The following MAU2 variants were observed in gnomAD, a reference collection of about 807,000 sequenced individuals.
MAU2 encodes the protein MAU2 chromatid cohesion factor homolog.
A neutral mutation model predicts 89.1 loss-of-function variants in MAU2; 9 were observed. The observed-to-expected ratio is 0.10, with a 90% CI of 0.06 to 0.18. The LOEUF is 0.18. Ranked by LOEUF, MAU2 falls within the 10% of genes least tolerant of loss-of-function variation. The pLI is 1.00. For synonymous variants in MAU2, 357 were observed against 343.4 expected, an observed-to-expected ratio of 1.04 and a Z score of -0.44; for missense variants, 425 against 803.5, an observed-to-expected ratio of 0.53 and a Z score of 5.69.
intron 1 of MAU2, chr19:19,334,501 GC>G: frequency 1.0e-6 from 1 of 985,934 alleles, no homozygotes; most frequent in Non-Finnish European, 1.2e-6. Context: ...CCCCAAGGCT[GC>G]CCCCAGCCGT....
intron 7 of MAU2, 46 bp downstream of exon 7, chr19:19,341,453 A>G: frequency 6.2e-7 from 1 of 1,606,682 alleles, no homozygotes; most frequent in African/African-American, 1.3e-5. Flanking sequence ...ACCAGTGGGT[A>G]TGGGTGGTAC....
At chr19:19,355,188 C>T in intron 17 of MAU2, 76 bp from the exon 18 acceptor site, 25 of 1,578,730 alleles carry the variant, frequency 1.6e-5, no homozygotes, top group Non-Finnish European at 2.0e-5. Flanking sequence ...GACCTTAGGG[C>T]TCCATCTGCA....
chr19:19,352,855 C>G (rs1235132087), intron 16 of MAU2: 4 of 152,292 alleles, frequency 2.6e-5, no homozygotes, highest in African/African-American at 9.7e-5. Context: ...CAAGAACTCT[C>G]AGACCAAGGT....
chr19:19,327,274 A>C (rs1424285676), intron 1 of MAU2, among the ~76,000 whole-genome samples: 1 of 151,146 alleles, frequency 6.6e-6, no homozygotes, highest in African/African-American at 2.4e-5. Context: ...GGTGCCTGCC[A>C]CCATGCCAGG....
rs748764235 is a variant in MAU2, at chr19:19,338,913, C to T, written c.525C>T (p.Ala175=). The T allele has an allele frequency of 3.1e-6, 5 of 1,613,604 alleles. No individual in the cohort carries two copies. The highest frequency in any genetic ancestry group is 4.2e-6 in the Non-Finnish European group (5 of 1,179,908). ...CDLLGVGAEY[A]RVVGSEYTRA... ...TCCTGGGTGTAGGGGCCGAGTACGC[C>T]CGGGTGGTGGGATCTGAATACACAC... is the stretch of plus-strand genomic sequence containing the variant. The change falls in exon 5 of 19, where the codon GCC becomes GCT. Residue 175 remains alanine (A), a synonymous_variant. Coordinates refer to ENST00000262815, the MANE Select transcript of MAU2 (RefSeq NM_015329.4).
chr19:19,333,559 C>A (rs1283980071), intron 1 of MAU2, among the ~76,000 whole-genome samples: 2 of 152,028 alleles, frequency 1.3e-5, no homozygotes, highest in African/African-American at 4.8e-5. Context: ...TGGCATAGGC[C>A]AAAGCTTTGT....
intron 1 of MAU2, among the ~76,000 whole-genome samples, chr19:19,327,065 C>T (rs1354429534): frequency 6.6e-6 from 1 of 150,826 alleles, no homozygotes; most frequent in African/African-American, 2.4e-5. Flanking sequence ...CCTGCCTTGG[C>T]CTCTCAAAGT....
At chr19:19,354,302 T>A in intron 16 of MAU2, 53 bp from the exon 17 acceptor site, 2 of 1,459,876 alleles carry the variant, frequency 1.4e-6, no homozygotes, top group Non-Finnish European at 1.9e-6. Flanking sequence ...TGGGCTGGGT[T>A]CGGCAAGTGG....
intron 1 of MAU2, among the ~76,000 whole-genome samples, chr19:19,328,414 C>T (rs990353879): frequency 4.0e-5 from 6 of 151,536 alleles, no homozygotes; most frequent in Admixed American, 3.3e-4. Flanking sequence ...ATATCCGTTT[C>T]CCCCTTAACT....
At position 19,338,946 on chromosome 19, in the gene MAU2, A is replaced by C; in HGVS notation, c.551+7A>C. The C allele has an allele frequency of 6.2e-7, 1 of 1,607,984 alleles. No homozygotes were observed. Among genetic ancestry groups the C allele is most frequent in the Non-Finnish European group, 8.5e-7 (1 of 1,177,236 alleles). On this transcript the variant is annotated splice_region_variant and intron_variant, in intron 5 of 18. Coordinates refer to ENST00000262815, the MANE Select transcript of MAU2 (RefSeq NM_015329.4). Reference sequence around the variant, plus strand: ...TGGGATCTGAATACACACGGTAGGCACCCACTCCCCTCCTTCCCTCCTGCT... The same window carrying C: ...TGGGATCTGAATACACACGGTAGGCCCCCACTCCCCTCCTTCCCTCCTGCT...
rs745963635 is a variant in MAU2 at position 19,348,955 on chromosome 19, ACCACT to A, written c.1358+22_1358+26del. On this transcript the variant is annotated intron_variant, in intron 14 of 18. Transcript: ENST00000262815. The stretch of plus-strand genomic sequence containing the variant: ...CCCTGTCAGGTGAGCCGCTCCAGGC[ACCACT>A]CCACGCACGGCCTAGGCTCCCCGTG... 1.1e-5 allele frequency: 17 copies of A among 1,612,426 alleles called. No homozygotes were observed. The South Asian group carries it at 1.5e-4, about 15-fold the overall frequency.
At chr19:19,334,461 G>A in intron 1 of MAU2, 1 of 985,720 alleles carries the variant, frequency 1.0e-6, no homozygotes, top group Non-Finnish European at 1.2e-6. Flanking sequence ...ATTCCCAGCT[G>A]CTGCTCACCC....
At chr19:19,327,140 T>C (rs570864940) in intron 1 of MAU2, among the ~76,000 whole-genome samples, 1 of 146,942 alleles carries the variant, frequency 6.8e-6, no homozygotes, top group South Asian at 2.2e-4. Context: ...TTTTTTTTTT[T>C]AGATGGACTC....
intron 4 of MAU2, among the ~76,000 whole-genome samples, chr19:19,338,306 C>T (rs2061613273): frequency 6.6e-6 from 1 of 152,248 alleles, no homozygotes; most frequent in South Asian, 2.1e-4. Context: ...GAGTCACCTC[C>T]CCTGGGCCAC....
intron 1 of MAU2, chr19:19,321,457 T>C: frequency 6.9e-6 from 2 of 289,034 alleles, no homozygotes; most frequent in Non-Finnish European, 1.3e-5. Context: ...GGATCCCACC[T>C]GTTGGTGGCG....
chr19:19,337,136 TC>T lies in MAU2; in HGVS notation c.361-33del, dbSNP rs1568656495. ...TGATTGCCGCCTTGTTTTTTTTTTT[TC>T]TTACATTCCCAAACGTGACTATTTC... is the stretch of plus-strand genomic sequence containing the variant. On this transcript the variant is annotated intron_variant, in intron 3 of 18. Transcript: ENST00000262815. 7 of 1,531,618 alleles carry T rather than the reference TC, an allele frequency of 4.6e-6. No homozygotes were observed. In the Admixed American group the frequency reaches 1.2e-4, roughly 27 times the overall value. The allele number at this position is 1,531,618 out of a possible 1,614,324, so 94.9% of individuals were successfully genotyped here.
In MAU2 at chr19:19,320,938, C is replaced by T. The variant is rs1271773593; in HGVS notation, c.79C>T (p.Leu27=). ...AQAEAADSWY[L]ALLGFAEHFR... ...GGCCGAGGCGGCCGACTCGTGGTAC[C>T]TGGCGCTTCTGGGCTTCGCTGAGCA... is the stretch of plus-strand genomic sequence containing the variant. The change falls in exon 1 of 19, where the codon CTG becomes TTG. Residue 27 remains leucine, a synonymous_variant. Coordinates refer to ENST00000262815, the MANE Select transcript of MAU2 (RefSeq NM_015329.4). 1 of 1,576,620 alleles carries T rather than the reference C, an allele frequency of 6.3e-7. No individual in the cohort carries two copies. The highest frequency in any genetic ancestry group is 1.2e-5 in the South Asian group (1 of 86,654).
Position 19,337,178 on chromosome 19 carries a change from T to A in MAU2, c.369T>A (p.Val123=). The A allele has an allele frequency of 6.2e-7, 1 of 1,612,946 alleles. No homozygotes were observed. Among genetic ancestry groups the A allele is most frequent in the Non-Finnish European group, 8.5e-7 (1 of 1,179,196 alleles). ...LSELYCQENS[V]DAAKPLLRKA... is the part of the protein sequence containing the mutation. ...TGACTATTTCCTTTCAGAATTCCGTTGATGCAGCAAAGCCGCTGCTGCGGA... is the reference window on the plus strand; with the variant it reads ...TGACTATTTCCTTTCAGAATTCCGTAGATGCAGCAAAGCCGCTGCTGCGGA... Residue 123 remains valine, a synonymous_variant, in exon 4 of 19, where the codon GTT becomes GTA. Transcript: ENST00000262815.
chr19:19,351,487 T>C, intron 16 of MAU2, among the ~76,000 whole-genome samples: 1 of 136 alleles, frequency 7.4e-3, no homozygotes, highest in Non-Finnish European at 0.019. Context: ...CTGACCAACA[T>C]AGTAGATCTG....
Sources: gnomAD v4.1 joint callset for allele counts (sites outside exome capture counted in the v4.1 genomes callset) on GRCh38, gnomAD v4.1.1 for gene constraint, MANE v1.5 for transcripts, NCBI Gene and HGNC (gene_info 2026-07-23, HGNC 2026-07-21) for gene names.